Variants in TSPAN16 observed in about 807,000 individuals in gnomAD.
TSPAN16 encodes the protein tetraspanin-16.
In TSPAN16, 23 loss-of-function variants were observed where a neutral mutation model predicts 25.2. The observed-to-expected ratio is 0.91, with a 90% CI of 0.66 to 1.29. TSPAN16 has a LOEUF of 1.29. TSPAN16 is among the 50% of genes most tolerant of loss of function. The pLI is 0.00. For synonymous variants in TSPAN16, 123 were observed against 124.4 expected (o/e 0.99, Z 0.08); for missense variants, 272 against 299.9 (o/e 0.91, Z 0.69).
intron 6 of TSPAN16, 62 bp from the exon 7 acceptor site, chr19:11,315,729 G>T: frequency 8.4e-7 from 1 of 1,197,452 alleles, no homozygotes; most frequent in African/African-American, 1.6e-5. Context: ...CGTAACTCCA[G>T]TATGATTCTG....
chr19:11,305,265 C>T (rs373057480), intron 4 of TSPAN16, among the ~76,000 whole-genome samples: 41 of 152,274 alleles, frequency 2.7e-4, no homozygotes, highest in Middle Eastern at 3.4e-3. Flanking sequence ...CGCAGTGGCT[C>T]ATGCCTGCAA....
At chr19:11,313,309 C>A (rs1036915982) in intron 6 of TSPAN16, among the ~76,000 whole-genome samples, 1 of 151,926 alleles carries the variant, frequency 6.6e-6, no homozygotes, top group Non-Finnish European at 1.5e-5. Context: ...GTGAAGAGAT[C>A]GAGACCAGCC....
intron 4 of TSPAN16, among the ~76,000 whole-genome samples, chr19:11,303,458 C>A (rs1018650450): frequency 1.4e-4 from 20 of 142,922 alleles, no homozygotes; most frequent in Middle Eastern, 6.9e-3. Context: ...AAACCAGAGA[C>A]CTTTGTTCAC....
chr19:11,321,630 G>A (rs533950483), intron 6 of TSPAN16, among the ~76,000 whole-genome samples: 160 of 152,324 alleles, frequency 1.1e-3, no homozygotes, highest in African/African-American at 3.2e-3. Flanking sequence ...GTAGGCCAGA[G>A]TGGCCGGAGG....
At chr19:11,310,242 A>G (rs1368890312) in intron 5 of TSPAN16, among the ~76,000 whole-genome samples, 1 of 151,794 alleles carries the variant, frequency 6.6e-6, no homozygotes, top group Non-Finnish European at 1.5e-5. Flanking sequence ...AAGAAGGAAG[A>G]AGGCCGGGTG....
chr19:11,312,942 T>TA (rs2080708794), intron 6 of TSPAN16, among the ~76,000 whole-genome samples: 1 of 151,884 alleles, frequency 6.6e-6, no homozygotes, highest in Non-Finnish European at 1.5e-5. Context: ...CTAGATGAAA[T>TA]AGACAAATTC....
chr19:11,297,489 T>A (rs1447194718), intron 1 of TSPAN16, among the ~76,000 whole-genome samples: 1 of 150,992 alleles, frequency 6.6e-6, no homozygotes, highest in African/African-American at 2.4e-5. Flanking sequence ...GACATTATTT[T>A]ATTTTATTTT....
intron 6 of TSPAN16, among the ~76,000 whole-genome samples, chr19:11,325,853 C>T (rs909180813): frequency 1.3e-5 from 2 of 152,122 alleles, no homozygotes; most frequent in African/African-American, 2.4e-5. Context: ...GCGGGAGGAT[C>T]GCTTGAGGCC....
chr19:11,326,307 G>A (rs1273731265), intron 6 of TSPAN16, among the ~76,000 whole-genome samples: 1 of 149,752 alleles, frequency 6.7e-6, no homozygotes, highest in African/African-American at 2.6e-5. Context: ...TTTGAGCCCA[G>A]GAGGTCAAGG....
At position 11,301,346 on chromosome 19, in the gene TSPAN16, G is replaced by C. The variant is rs1357270813; in HGVS notation, c.450+38G>C. On this transcript the variant is annotated intron_variant, in intron 4 of 6. Coordinates refer to ENST00000590327, the MANE Select transcript of TSPAN16 (RefSeq NM_001282509.2). Reference sequence around the variant, plus strand: ...TAAAAAAAAAAAATTGTGGTGTAAAGGTACACAACATGGGCGGGCGAAGTG... The same window carrying C: ...TAAAAAAAAAAAATTGTGGTGTAAACGTACACAACATGGGCGGGCGAAGTG... 4 of 1,537,350 alleles carry C rather than the reference G, an allele frequency of 2.6e-6. No individual in the cohort carries two copies. The African/African-American group carries it at 5.4e-5, about 21-fold the overall frequency.
intron 6 of TSPAN16, among the ~76,000 whole-genome samples, chr19:11,313,476 G>A (rs149445375): frequency 0.028 from 4,157 of 150,618 alleles, 189 homozygotes; most frequent in African/African-American, 0.097. Flanking sequence ...ACAGTGAGCC[G>A]AGATTGCACC....
chr19:11,317,397 C>T (rs1190492981), downstream of TSPAN16, among the ~76,000 whole-genome samples: 1 of 152,148 alleles, frequency 6.6e-6, no homozygotes, highest in African/African-American at 2.4e-5. Flanking sequence ...CTCAGGGTAA[C>T]CTCTAACTCC....
At chr19:11,320,422 A>C (rs1160461708), downstream of TSPAN16, among the ~76,000 whole-genome samples, 1 of 152,178 alleles carries the variant, frequency 6.6e-6, no homozygotes, top group African/African-American at 2.4e-5. Context: ...ACACCTGGCC[A>C]ATCCTAGCAC....
downstream of TSPAN16, among the ~76,000 whole-genome samples, chr19:11,320,465 G>C (rs1367504458): frequency 6.6e-6 from 1 of 151,992 alleles, no homozygotes; most frequent in Non-Finnish European, 1.5e-5. Context: ...ATGGCTGGAA[G>C]CTGGGAGTTC....
chr19:11,309,764 A>G (rs1323143980), intron 5 of TSPAN16, among the ~76,000 whole-genome samples: 1 of 152,192 alleles, frequency 6.6e-6, no homozygotes, highest in Non-Finnish European at 1.5e-5. Context: ...TGTTTTATAC[A>G]TTGCTGGGTT....
chr19:11,325,445 C>T, intron 6 of TSPAN16: 1 of 1,609,004 alleles, frequency 6.2e-7, no homozygotes, highest in Non-Finnish European at 8.5e-7. Context: ...TCCCCCACGG[C>T]CGGGCCTTTC....
At chr19:11,299,985 G>GAAAAAAAAAAAAAAAAAAAA (rs60293071) in intron 3 of TSPAN16, among the ~76,000 whole-genome samples, 1 of 107,754 alleles carries the variant, frequency 9.3e-6, no homozygotes, top group Non-Finnish European at 2.1e-5. Context: ...CTCAAAAAAA[G>GAAAAAAAAAAAAAAAAAAAA]AAAAAAAAAA....
intron 6 of TSPAN16, chr19:11,325,129 A>C: frequency 2.7e-6 from 1 of 366,704 alleles, no homozygotes; most frequent in East Asian, 5.0e-5. Flanking sequence ...ACACCCTGGA[A>C]AGCAGCAAGC....
At chr19:11,317,443 G>A (rs1365337362), downstream of TSPAN16, among the ~76,000 whole-genome samples, 1 of 152,110 alleles carries the variant, frequency 6.6e-6, no homozygotes, top group Non-Finnish European at 1.5e-5. Flanking sequence ...AACTTTCTAA[G>A]TACATGGGAC....
Sources: allele counts gnomAD v4.1 joint callset (sites outside exome capture counted in the v4.1 genomes callset), GRCh38; gene constraint gnomAD v4.1.1; transcripts MANE v1.5; gene names NCBI Gene and HGNC (gene_info 2026-07-23, HGNC 2026-07-21).